Variants in DAGLB observed in about 807,000 individuals in gnomAD.
DAGLB encodes diacylglycerol lipase-beta.
DAGLB carries 66 observed loss-of-function variants against 72.1 expected under a neutral mutation model. That is an observed-to-expected ratio of 0.92 (90% confidence interval 0.75 to 1.12). The LOEUF (loss-of-function observed/expected upper bound fraction) is 1.12. Ranked by LOEUF, DAGLB falls within the 50% of genes most tolerant of loss-of-function variation. The probability of loss-of-function intolerance (pLI) is 0.00; values close to 1 mark genes in which losing one functional copy is unlikely to be tolerated. For synonymous variants in DAGLB, 414 were observed against 359.5 expected (o/e 1.15, Z -1.71); for missense variants, 1,065 against 884.9 (o/e 1.20, Z -2.58).
At position 6,422,032 on chromosome 7, in the gene DAGLB, C is replaced by T. The variant is rs1784143530; in HGVS notation, c.1141-228G>A. On this transcript the variant is annotated intron_variant, in intron 8 of 14. Transcript: ENST00000297056. Reference sequence around the variant, plus strand: ...GGCCAGGCGTGAAGGGTGGAGGGGACCATGGAGTGTGCCTAAGACACGCCC... The same window carrying T: ...GGCCAGGCGTGAAGGGTGGAGGGGATCATGGAGTGTGCCTAAGACACGCCC... 2.5e-5 allele frequency: 16 copies of T among 649,720 alleles called. No individual in the cohort carries two copies. In the East Asian group the frequency reaches 4.8e-4, roughly 19 times the overall value. The allele number at this position is 649,720 out of a possible 1,614,324, so 40.2% of individuals were successfully genotyped here. A position where few individuals can be genotyped will look rare whatever the true frequency, so the allele number is the denominator to read the frequency against.
At position 6,409,677 on chromosome 7, in the gene DAGLB, C is replaced by G; in HGVS notation, c.*160G>C. ...TACCATTATGGCCACAATGACTTCC[C>G]ATAAACTTAAGTCATTGAGACCATG... On this transcript the variant is annotated 3_prime_UTR_variant, in exon 15 of 15. Transcript: ENST00000297056. 1 of 867,496 alleles carries G rather than the reference C, an allele frequency of 1.2e-6. No homozygotes were observed. The highest frequency in any genetic ancestry group is 1.7e-6 in the Non-Finnish European group (1 of 576,688). The allele number at this position is 867,496 out of a possible 1,614,324, so 53.7% of individuals were successfully genotyped here. A position where few individuals can be genotyped will look rare whatever the true frequency, so the allele number is the denominator to read the frequency against.
At chr7:6,419,825 C>CT (rs1199427612) in intron 9 of DAGLB, among the ~76,000 whole-genome samples, 1 of 152,198 alleles carries the variant, frequency 6.6e-6, no homozygotes, top group Non-Finnish European at 1.5e-5. Context: ...AAACTGGAGT[C>CT]TTTTGTGAAC....
intron 9 of DAGLB, among the ~76,000 whole-genome samples, chr7:6,419,401 G>C (rs1784033948): frequency 6.6e-6 from 1 of 152,140 alleles, no homozygotes; most frequent in South Asian, 2.1e-4. Context: ...CCTGTGGCTG[G>C]TGCTGGGCAG....
At chr7:6,429,326 A>G (rs1245540598) in intron 6 of DAGLB, among the ~76,000 whole-genome samples, 2 of 152,060 alleles carry the variant, frequency 1.3e-5, no homozygotes, top group African/African-American at 4.8e-5. Context: ...CTTCTACAAA[A>G]TATCTGCACT....
chr7:6,433,700 C>T (rs754772189), intron 4 of DAGLB, among the ~76,000 whole-genome samples: 1 of 152,044 alleles, frequency 6.6e-6, no homozygotes, highest in African/African-American at 2.4e-5. Context: ...ATTAGCTGGG[C>T]GTGGTGGCAG....
In DAGLB at chr7:6,412,956, G is replaced by C. The variant is rs189978233; in HGVS notation, c.1496+10C>G. ...CCCCCAGCCCTGGGCACAGCACCAG[G>C]TGGGCTTACCTGGGAATCACATCCT... On this transcript the variant is annotated intron_variant, in intron 12 of 14. Transcript: ENST00000297056. 1.3e-4 allele frequency: 206 copies of C among 1,613,912 alleles called. No individual in the cohort carries two copies. In the African/African-American group the frequency reaches 2.2e-3, roughly 17 times the overall value.
intron 1 of DAGLB, among the ~76,000 whole-genome samples, chr7:6,447,533 C>T (rs940586725): frequency 2.1e-4 from 32 of 152,318 alleles, no homozygotes; most frequent in African/African-American, 7.7e-4. Flanking sequence ...GGTCAGCCCA[C>T]ACACTCTGGG....
intron 11 of DAGLB, among the ~76,000 whole-genome samples, chr7:6,414,552 C>T (rs1161202139): frequency 2.0e-5 from 3 of 151,838 alleles, no homozygotes; most frequent in East Asian, 3.9e-4. Context: ...CCTCCTGCCT[C>T]AGCCTCCCAA....
At chr7:6,439,727 T>TG (rs1303001263) in intron 2 of DAGLB, among the ~76,000 whole-genome samples, 1 of 152,064 alleles carries the variant, frequency 6.6e-6, no homozygotes, top group African/African-American at 2.4e-5. Flanking sequence ...GGTGCAACAG[T>TG]GGGATTTCAT....
chr7:6,410,426 T>C (rs377422832), intron 13 of DAGLB, 46 bp from the exon 14 acceptor site: 125 of 1,553,424 alleles, frequency 8.0e-5, no homozygotes, highest in Non-Finnish European at 1.0e-4. Context: ...TCACCCTCTG[T>C]CACCCGAGAC....
intron 2 of DAGLB, among the ~76,000 whole-genome samples, chr7:6,445,507 G>C (rs1255351892): frequency 6.6e-6 from 1 of 152,128 alleles, no homozygotes; most frequent in Non-Finnish European, 1.5e-5. Context: ...AATGGGTATG[G>C]GATCTCTTTC....
At position 6,409,767 on chromosome 7, in the gene DAGLB, C is replaced by G. The variant is rs547424301; in HGVS notation, c.*70G>C. The G allele has an allele frequency of 1.5e-5, 23 of 1,532,574 alleles. No homozygotes were observed. In the Admixed American group the frequency reaches 4.6e-4, roughly 31 times the overall value. The allele number at this position is 1,532,574 out of a possible 1,614,324, so 94.9% of individuals were successfully genotyped here. A position where few individuals can be genotyped will look rare whatever the true frequency, so the allele number is the denominator to read the frequency against. On this transcript the variant is annotated 3_prime_UTR_variant, in exon 15 of 15. Transcript: ENST00000297056. ...CTGTTTTGGCGTCATGGGAACTCCT[C>G]GGATGGTAAGTCAGTTTAAGGACAA...
At chr7:6,418,104 C>T (rs965871106) in intron 9 of DAGLB, among the ~76,000 whole-genome samples, 15 of 152,000 alleles carry the variant, frequency 9.9e-5, no homozygotes, top group African/African-American at 3.4e-4. Flanking sequence ...CTCCTGACCT[C>T]GTGATCCACC....
intron 8 of DAGLB, among the ~76,000 whole-genome samples, chr7:6,424,426 C>T (rs975032160): frequency 1.3e-5 from 2 of 152,100 alleles, no homozygotes; most frequent in Non-Finnish European, 2.9e-5. Flanking sequence ...AGAAATTCCC[C>T]GGGAGGGCTC....
At chr7:6,428,944 A>T (rs1226928829) in intron 6 of DAGLB, among the ~76,000 whole-genome samples, 1 of 152,168 alleles carries the variant, frequency 6.6e-6, no homozygotes, top group South Asian at 2.1e-4. Context: ...ACCTGGGACT[A>T]CAGGTACACA....
At chr7:6,411,196 A>G (rs1783716191) in intron 13 of DAGLB, among the ~76,000 whole-genome samples, 1 of 149,146 alleles carries the variant, frequency 6.7e-6, no homozygotes, top group African/African-American at 2.5e-5. Context: ...TTTAGTAGAG[A>G]CGGGGTTTCT....
Position 6,438,492 on chromosome 7 carries a change from G to GA in DAGLB, c.248-1960dup, listed in dbSNP as rs761113199. ...GAGGGGGAAAGGGTGCAGGTATGTG[G>GA]AAAAAAAAAAACACAGTCCTATATT... On this transcript the variant is annotated intron_variant, in intron 2 of 14. Coordinates refer to ENST00000297056, the MANE Select transcript of DAGLB (RefSeq NM_139179.4). Among the ~76,000 whole-genome samples, 450 of 144,574 alleles carry GA rather than the reference G, an allele frequency of 3.1e-3. 1 individual carries two copies. Among genetic ancestry groups the GA allele is most frequent in the Non-Finnish European group, 4.3e-3 (285 of 65,594 alleles). 94.8% of individuals were successfully genotyped at this position (144,574 alleles called of 152,430 possible).
intron 2 of DAGLB, among the ~76,000 whole-genome samples, chr7:6,442,383 C>A (rs573307342): frequency 6.6e-6 from 1 of 152,106 alleles, no homozygotes; most frequent in South Asian, 2.1e-4. Flanking sequence ...ATATGAGCAT[C>A]CCTCACAGGG....
At chr7:6,413,170 T>A in intron 11 of DAGLB, 136 bp from the exon 12 acceptor site, 1 of 919,318 alleles carries the variant, frequency 1.1e-6, no homozygotes, top group Non-Finnish European at 1.6e-6. Context: ...AAAGGGAGGG[T>A]AGGGGAAACG....
Sources: gnomAD v4.1 joint callset for allele counts (sites outside exome capture counted in the v4.1 genomes callset) on GRCh38, gnomAD v4.1.1 for gene constraint, MANE v1.5 for transcripts, NCBI Gene and HGNC (gene_info 2026-07-23, HGNC 2026-07-21) for gene names.